Variants in LARGE1 observed in about 807,000 individuals in gnomAD.
LARGE1 encodes xylosyl- and glucuronyltransferase LARGE1.
Under a neutral mutation model 87.6 loss-of-function variants are expected in LARGE1, and 43 were observed. The ratio of observed to expected loss-of-function variants is 0.49; its 90% confidence interval spans 0.38 to 0.63. LARGE1 has a LOEUF of 0.63. Among genes scored for constraint, LARGE1 ranks in the 30% least tolerant of loss-of-function variants. LARGE1 has a pLI of 0.00. For synonymous variants in LARGE1, 434 were observed against 394.6 expected (o/e 1.10, Z -1.18); for missense variants, 802 against 1,000.2 (o/e 0.80, Z 2.67).
At chr22:33,578,590 A>G (rs1010768547) in intron 5 of LARGE1, among the ~76,000 whole-genome samples, 1 of 152,230 alleles carries the variant, frequency 6.6e-6, no homozygotes, top group Non-Finnish European at 1.5e-5. Context: ...GTATCTTTTA[A>G]TTCACCCAAT....
chr22:33,262,654 G>A (rs1175478538), intron 11 of LARGE1, among the ~76,000 whole-genome samples: 1 of 152,108 alleles, frequency 6.6e-6, no homozygotes, highest in Non-Finnish European at 1.5e-5. Context: ...CACTCCTGCA[G>A]TACTCTATTA....
At chr22:33,736,369 G>A (rs73402852) in intron 2 of LARGE1, among the ~76,000 whole-genome samples, 5,585 of 152,196 alleles carry the variant, frequency 0.037, 341 homozygotes, top group African/African-American at 0.13. Flanking sequence ...GTTTTGATTT[G>A]CATTTCCCCA....
intron 6 of LARGE1, among the ~76,000 whole-genome samples, chr22:33,533,491 G>A (rs186483053): frequency 5.3e-5 from 8 of 152,284 alleles, no homozygotes; most frequent in East Asian, 1.9e-4. Flanking sequence ...TTCTCGAGGC[G>A]ATGAGGCTAA....
In LARGE1 at chr22:33,636,349, T is replaced by C. The variant is rs917562433; in HGVS notation, c.409-10023A>G. 3.9e-5 allele frequency among the ~76,000 whole-genome samples: 6 copies of C among 152,184 alleles called. 1 individual carries two copies. The South Asian group carries it at 1.0e-3, about 26-fold the overall frequency. Reference sequence around the variant, plus strand: ...TAGCCAGACAATCACTCAACAATGATCAGTGTAGCGCCATGTTATGGTCAT... The same window carrying C: ...TAGCCAGACAATCACTCAACAATGACCAGTGTAGCGCCATGTTATGGTCAT... On this transcript the variant is annotated intron_variant, in intron 3 of 14. Transcript: ENST00000397394.
At chr22:33,672,229 T>C (rs1259458025) in intron 2 of LARGE1, among the ~76,000 whole-genome samples, 1 of 152,182 alleles carries the variant, frequency 6.6e-6, no homozygotes, top group East Asian at 1.9e-4. Context: ...TTTCTTATAC[T>C]AGACAGAAAA....
exon 12 of LARGE1, chr22:33,166,732 T>C: frequency 2.1e-6 from 1 of 471,206 alleles, no homozygotes; most frequent in South Asian, 1.5e-5. Context: ...AGTACCCAAG[T>C]CCTCGAGAAG....
intron 7 of LARGE1, among the ~76,000 whole-genome samples, chr22:33,405,244 C>G (rs183663909): frequency 1.3e-5 from 2 of 152,320 alleles, no homozygotes; most frequent in Admixed American, 1.3e-4. Context: ...AATGCAAATT[C>G]TGTGTCATTG....
At chr22:33,103,054 T>C in the LARGE1 span, among the ~76,000 whole-genome samples, 1 of 152,036 alleles carries the variant, frequency 6.6e-6, no homozygotes, top group East Asian at 1.9e-4. Flanking sequence ...CCGGTGTAGA[T>C]GCCTTACATA....
chr22:33,464,217 C>T (rs2068496260), intron 6 of LARGE1, among the ~76,000 whole-genome samples: 1 of 152,084 alleles, frequency 6.6e-6, no homozygotes, highest in Admixed American at 6.5e-5. Flanking sequence ...CACTACCATA[C>T]AAAAAGTATT....
At chr22:33,253,389 G>C (rs1172218066) in intron 11 of LARGE1, among the ~76,000 whole-genome samples, 1 of 152,200 alleles carries the variant, frequency 6.6e-6, no homozygotes. Flanking sequence ...GAACGCCTCT[G>C]AGACTGTAAG....
chr22:33,641,550 T>A (rs2080434156), intron 3 of LARGE1, among the ~76,000 whole-genome samples: 1 of 152,088 alleles, frequency 6.6e-6, no homozygotes, highest in Admixed American at 6.6e-5. Flanking sequence ...TTGACAGAAG[T>A]AGGCTTCAGA....
intron 7 of LARGE1, among the ~76,000 whole-genome samples, chr22:33,390,843 G>A (rs62225268): frequency 0.013 from 1,970 of 152,030 alleles, 23 homozygotes; most frequent in Non-Finnish European, 0.018. Context: ...ACAGGTGTGC[G>A]CCACCAGGCC....
intron 5 of LARGE1, among the ~76,000 whole-genome samples, chr22:33,569,061 G>A (rs1178922951): frequency 1.3e-5 from 2 of 152,170 alleles, no homozygotes; most frequent in African/African-American, 4.8e-5. Context: ...GACTCAGTGA[G>A]GAATTCCCTC....
intron 11 of LARGE1, among the ~76,000 whole-genome samples, chr22:33,241,235 C>G (rs2899206): frequency 0.23 from 34,519 of 151,896 alleles, 4,810 homozygotes; most frequent in African/African-American, 0.4. Flanking sequence ...TCTCTCACAT[C>G]TGGACCTGAG....
intron 2 of LARGE1, among the ~76,000 whole-genome samples, chr22:33,699,513 G>A (rs2283930): frequency 0.16 from 25,060 of 152,160 alleles, 2,405 homozygotes; most frequent in East Asian, 0.21. Flanking sequence ...CATAAGAAAT[G>A]CTCCATGCTC....
At chr22:33,226,707 AATTATT>A (rs891392926) in intron 11 of LARGE1, among the ~76,000 whole-genome samples, 1 of 149,866 alleles carries the variant, frequency 6.7e-6, no homozygotes, top group Non-Finnish European at 1.5e-5. Flanking sequence ...ATAACCTTTA[AATTATT>A]ATTATTATTA....
intron 11 of LARGE1, among the ~76,000 whole-genome samples, chr22:33,252,254 C>T (rs1035693396): frequency 9.5e-6 from 1 of 105,586 alleles, no homozygotes; most frequent in African/African-American, 5.9e-5. Flanking sequence ...CCTTCATTCC[C>T]CCCCCCCCCG....
At chr22:33,838,281 T>G (rs555238824) in intron 1 of LARGE1, among the ~76,000 whole-genome samples, 1 of 152,328 alleles carries the variant, frequency 6.6e-6, no homozygotes, top group African/African-American at 2.4e-5. Context: ...GGACTATGGC[T>G]GCTGAAATCT....
chr22:33,556,248 T>A (rs1208694237), intron 6 of LARGE1, among the ~76,000 whole-genome samples: 3 of 152,098 alleles, frequency 2.0e-5, no homozygotes, highest in Non-Finnish European at 4.4e-5. Context: ...GAGACCAGCC[T>A]GGCTTCAGCC....
Sources: allele counts gnomAD v4.1 joint callset (sites outside exome capture counted in the v4.1 genomes callset), GRCh38; gene constraint gnomAD v4.1.1; transcripts MANE v1.5; gene names NCBI Gene and HGNC (gene_info 2026-07-23, HGNC 2026-07-21).